The following HDAC9 variants were observed in gnomAD, a reference collection of about 807,000 sequenced individuals.
HDAC9 encodes the protein histone deacetylase 9.
HDAC9 carries 41 observed loss-of-function variants against 139.4 expected under a neutral mutation model. The observed-to-expected ratio is 0.29, with a 90% CI of 0.23 to 0.38. The LOEUF (loss-of-function observed/expected upper bound fraction) is 0.38. Among genes scored for constraint, HDAC9 ranks in the 10% least tolerant of loss-of-function variants. The probability of loss-of-function intolerance (pLI) is 1.00; values close to 1 mark genes in which losing one functional copy is unlikely to be tolerated. For missense variants in HDAC9, 1,147 were observed against 1,297.0 expected, an observed-to-expected ratio of 0.88 and a Z score of 1.78; for synonymous variants, 517 against 476.2, an observed-to-expected ratio of 1.09 and a Z score of -1.12.
At chr7:18,571,522 A>G (rs369883451) in intron 2 of HDAC9, among the ~76,000 whole-genome samples, 15 of 152,372 alleles carry the variant, frequency 9.8e-5, no homozygotes, top group African/African-American at 3.6e-4. Context: ...AGAAAATAAG[A>G]AAATATCCAG....
intron 25 of HDAC9, among the ~76,000 whole-genome samples, chr7:18,990,384 T>G (rs1585503894): frequency 6.6e-6 from 1 of 152,184 alleles, no homozygotes; most frequent in African/African-American, 2.4e-5. Flanking sequence ...AGGGACCCAC[T>G]TGAGGAGGCA....
chr7:18,117,442 C>T (rs1205720208), intron 1 of HDAC9, among the ~76,000 whole-genome samples: 3 of 150,752 alleles, frequency 2.0e-5, no homozygotes, highest in Admixed American at 1.3e-4. Context: ...GCCGAGATCG[C>T]GCCACTGCAC....
At chr7:18,202,766 A>T (rs971853977) in intron 2 of HDAC9, among the ~76,000 whole-genome samples, 12 of 152,188 alleles carry the variant, frequency 7.9e-5, no homozygotes, top group African/African-American at 2.9e-4. Context: ...AGTATCTGTT[A>T]TAGTGGAACC....
chr7:18,369,015 T>A (rs994569781), intron 1 of HDAC9, among the ~76,000 whole-genome samples: 1 of 152,150 alleles, frequency 6.6e-6, no homozygotes, highest in African/African-American at 2.4e-5. Flanking sequence ...ATATACCACC[T>A]GGCCAAGTGC....
intron 23 of HDAC9, among the ~76,000 whole-genome samples, chr7:18,936,346 A>G (rs1000687438): frequency 1.3e-5 from 2 of 152,222 alleles, no homozygotes; most frequent in East Asian, 1.9e-4. Context: ...AGAATTCTTT[A>G]TGCTAAGAGG....
At chr7:18,532,102 T>G (rs1809196661) in intron 2 of HDAC9, among the ~76,000 whole-genome samples, 2 of 152,038 alleles carry the variant, frequency 1.3e-5, no homozygotes, top group African/African-American at 4.8e-5. Context: ...TACAAAATAT[T>G]ATCTGGGCAT....
intron 12 of HDAC9, among the ~76,000 whole-genome samples, chr7:18,711,555 G>C (rs376422442): frequency 1.8e-4 from 27 of 152,284 alleles, no homozygotes; most frequent in African/African-American, 6.0e-4. Context: ...ATGAGTCTGT[G>C]CTCAGTTGAG....
At chr7:18,433,791 G>A (rs1241863098) in intron 1 of HDAC9, among the ~76,000 whole-genome samples, 1 of 152,108 alleles carries the variant, frequency 6.6e-6, no homozygotes, top group Non-Finnish European at 1.5e-5. Flanking sequence ...AAATGGAAAA[G>A]CATTCCATGC....
chr7:18,611,711 C>T (rs987532959), intron 6 of HDAC9, among the ~76,000 whole-genome samples: 1 of 152,088 alleles, frequency 6.6e-6, no homozygotes, highest in Non-Finnish European at 1.5e-5. Context: ...TACCATGTAG[C>T]ATCTATCCTG....
chr7:18,247,574 T>G (rs1794640072), intron 2 of HDAC9, among the ~76,000 whole-genome samples: 1 of 152,142 alleles, frequency 6.6e-6, no homozygotes, highest in African/African-American at 2.4e-5. Context: ...GACAAATATT[T>G]GGAAGACTTT....
chr7:18,430,542 T>G (rs1790544416), intron 1 of HDAC9: 1 of 151,838 alleles, frequency 6.6e-6, no homozygotes, highest in African/African-American at 2.4e-5. Context: ...TAAATTATAA[T>G]TATCTACACA....
intron 1 of HDAC9, among the ~76,000 whole-genome samples, chr7:18,304,771 G>A (rs1315621935): frequency 3.9e-5 from 6 of 152,146 alleles, no homozygotes; most frequent in South Asian, 4.2e-4. Flanking sequence ...CCATTTTTAC[G>A]TATTCCAAGA....
intron 1 of HDAC9, among the ~76,000 whole-genome samples, chr7:18,485,945 C>A (rs559606473): frequency 1.3e-5 from 2 of 152,124 alleles, no homozygotes; most frequent in East Asian, 1.9e-4. Flanking sequence ...TAATAGAATA[C>A]CACAGACTGG....
chr7:18,166,169 T>C (rs2128130058), intron 2 of HDAC9, among the ~76,000 whole-genome samples: 1 of 152,354 alleles, frequency 6.6e-6, no homozygotes, highest in East Asian at 1.9e-4. Context: ...GAACACAATG[T>C]GCCTGTTGCC....
chr7:18,194,473 C>T (rs570434087), intron 2 of HDAC9, among the ~76,000 whole-genome samples: 3 of 152,228 alleles, frequency 2.0e-5, no homozygotes, highest in Non-Finnish European at 2.9e-5. Flanking sequence ...CCACCCTCAC[C>T]GTTGTCCCAT....
intron 1 of HDAC9, among the ~76,000 whole-genome samples, chr7:18,427,097 G>A (rs750382743): frequency 1.3e-5 from 2 of 152,112 alleles, no homozygotes; most frequent in African/African-American, 2.4e-5. Flanking sequence ...TGCCTAGCTG[G>A]TATTAACCGG....
chr7:18,095,804 A>G (rs1392088323), intron 1 of HDAC9, among the ~76,000 whole-genome samples: 1 of 152,240 alleles, frequency 6.6e-6, no homozygotes, highest in East Asian at 1.9e-4. Flanking sequence ...TCTGTGACAA[A>G]TGATGCTGTA....
At chr7:18,288,355 A>G (rs1232311412), upstream of HDAC9, among the ~76,000 whole-genome samples, 1 of 152,070 alleles carries the variant, frequency 6.6e-6, no homozygotes, top group Admixed American at 6.6e-5. Context: ...GACTTCAGTT[A>G]CTCTTATTTT....
chr7:18,123,432 T>C (rs1784474640), intron 1 of HDAC9, among the ~76,000 whole-genome samples: 1 of 152,174 alleles, frequency 6.6e-6, no homozygotes, highest in African/African-American at 2.4e-5. Flanking sequence ...ATAGAAACAA[T>C]GTTAGGTTTC....
Sources: gnomAD v4.1 joint callset for allele counts (sites outside exome capture counted in the v4.1 genomes callset) on GRCh38, gnomAD v4.1.1 for gene constraint, MANE v1.5 for transcripts, NCBI Gene and HGNC (gene_info 2026-07-23, HGNC 2026-07-21) for gene names.